The following ARRB1 variants were observed in gnomAD, a reference collection of about 807,000 sequenced individuals.
ARRB1 encodes the protein arrestin beta 1.
ARRB1 carries 21 observed loss-of-function variants against 56.8 expected under a neutral mutation model. The observed-to-expected ratio is 0.37, with a 90% CI of 0.26 to 0.53. The LOEUF is 0.53. Among genes scored for constraint, ARRB1 ranks in the 20% least tolerant of loss-of-function variants. The probability of loss-of-function intolerance (pLI) is 0.88; values close to 1 mark genes in which losing one functional copy is unlikely to be tolerated. For missense variants in ARRB1, 424 were observed against 553.7 expected (o/e 0.77, Z 2.35); for synonymous variants, 210 against 218.6 (o/e 0.96, Z 0.35).
chr11:75,337,833 T>C (rs1446627038), intron 1 of ARRB1, among the ~76,000 whole-genome samples: 1 of 117,300 alleles, frequency 8.5e-6, no homozygotes, highest in East Asian at 2.9e-4. Context: ...GGAGATTCAC[T>C]CCTGTTGCCC....
intron 1 of ARRB1, among the ~76,000 whole-genome samples, chr11:75,325,861 C>T (rs917123641): frequency 1.3e-5 from 2 of 152,298 alleles, no homozygotes; most frequent in Admixed American, 6.5e-5. Context: ...CTGGACCTCA[C>T]GCCCAGGGCT....
chr11:75,310,016 C>T (rs1947122433), intron 1 of ARRB1, among the ~76,000 whole-genome samples: 1 of 152,152 alleles, frequency 6.6e-6, no homozygotes, highest in Non-Finnish European at 1.5e-5. Context: ...ACGGTGCTGG[C>T]CCTCTTAGCC....
At position 75,335,662 on chromosome 11, in the gene ARRB1, A is replaced by T. The variant is rs1023308829; in HGVS notation, c.20+15926T>A. 7.2e-5 allele frequency among the ~76,000 whole-genome samples: 11 copies of T among 151,902 alleles called. 1 individual carries two copies. Among genetic ancestry groups the T allele is most frequent in the Admixed American group, 6.6e-4 (10 of 15,262 alleles). ...GAGGTCTGCTGCTCACAAGGGCAGC[A>T]CTGCCAGATTTCTTTGTGATCCTGG... On this transcript the variant is annotated intron_variant, in intron 1 of 15. Transcript: ENST00000420843.
intron 1 of ARRB1, among the ~76,000 whole-genome samples, chr11:75,299,271 A>AT (rs1168363432): frequency 6.6e-6 from 1 of 151,840 alleles, no homozygotes; most frequent in Non-Finnish European, 1.5e-5. Flanking sequence ...GACAGAGAGA[A>AT]TGAAAAAAAG....
intron 7 of ARRB1, among the ~76,000 whole-genome samples, chr11:75,280,553 GTTC>G (rs1462212011): frequency 6.6e-6 from 1 of 152,184 alleles, no homozygotes; most frequent in African/African-American, 2.4e-5. Context: ...TGCCCGGGCT[GTTC>G]TTCTCCAGAG....
At chr11:75,345,286 G>A (rs1319673057) in intron 1 of ARRB1, among the ~76,000 whole-genome samples, 1 of 152,172 alleles carries the variant, frequency 6.6e-6, no homozygotes, top group African/African-American at 2.4e-5. Flanking sequence ...CGTCTCCCGA[G>A]AGATGACCCT....
intron 1 of ARRB1, among the ~76,000 whole-genome samples, chr11:75,323,658 A>T (rs1477524217): frequency 6.6e-6 from 1 of 152,090 alleles, no homozygotes; most frequent in Non-Finnish European, 1.5e-5. Flanking sequence ...CCTGGAGAGG[A>T]AACCTTCTCT....
rs139785608 is a variant in ARRB1 at position 75,333,741 on chromosome 11, T to C, written c.20+17847A>G. Among the ~76,000 whole-genome samples the C allele has an allele frequency of 1.4e-4, 22 of 152,248 alleles. 2 individuals carry two copies. Among genetic ancestry groups the C allele is most frequent in the African/African-American group, 5.1e-4 (21 of 41,532 alleles). On this transcript the variant is annotated intron_variant, in intron 1 of 15. Transcript: ENST00000420843. The stretch of plus-strand genomic sequence containing the variant: ...TCTAGGTCACAGGCATAACAAGCAG[T>C]AGGGGTGGGATCTGAAACCTAGCCG...
chr11:75,308,339 A>C (rs76635068), intron 1 of ARRB1, among the ~76,000 whole-genome samples: 7,872 of 152,282 alleles, frequency 0.052, 701 homozygotes, highest in African/African-American at 0.18. Context: ...ACCAGGCCCC[A>C]TGACCAAGGC....
At chr11:75,336,347 C>G (rs562348524) in intron 1 of ARRB1, among the ~76,000 whole-genome samples, 7 of 152,106 alleles carry the variant, frequency 4.6e-5, no homozygotes, top group Non-Finnish European at 8.8e-5. Flanking sequence ...GTCCTCCCCA[C>G]ACCCTGCCAA....
chr11:75,277,212 A>C (rs1199618771), intron 9 of ARRB1, 152 bp downstream of exon 9: 1 of 826,494 alleles, frequency 1.2e-6, no homozygotes, highest in East Asian at 2.5e-5. Context: ...TACCCAACTC[A>C]AAAGCTTTGC....
chr11:75,324,234 C>T (rs1391383826), intron 1 of ARRB1, among the ~76,000 whole-genome samples: 1 of 152,222 alleles, frequency 6.6e-6, no homozygotes, highest in Non-Finnish European at 1.5e-5. Context: ...GCGCCCTCCC[C>T]CCAGGTCTAG....
In ARRB1 at chr11:75,278,711, C is replaced by G; in HGVS notation, c.516G>C (p.Gln172His). 2 of 1,613,304 alleles carry G rather than the reference C, an allele frequency of 1.2e-6. No individual in the cohort carries two copies. Among genetic ancestry groups the G allele is most frequent in the Non-Finnish European group, 1.7e-6 (2 of 1,179,574 alleles). Reference protein sequence around the residue: ...NSVRLVIRKVQYAPERPGPQP... With the variant: ...NSVRLVIRKVHYAPERPGPQP... ...GGGGGCCAGGCCTCTCTGGGGCATA[C>G]TGAACCTTCCGGATGACCAGACGCA... The change falls in exon 8 of 16, where the codon CAG becomes CAC. Residue 172 changes from glutamine to histidine, a missense_variant. Around this residue, in one of 3 missense-constraint regions of ARRB1, gnomAD observed 301 missense variants for 387.9 expected, o/e 0.78. Transcript: ENST00000420843.
chr11:75,316,131 C>G (rs1318241707), intron 1 of ARRB1, among the ~76,000 whole-genome samples: 2 of 152,122 alleles, frequency 1.3e-5, no homozygotes, highest in African/African-American at 2.4e-5. Flanking sequence ...AGTTCAAGAC[C>G]AGGCTGGCCA....
intron 1 of ARRB1, among the ~76,000 whole-genome samples, chr11:75,320,936 A>AG (rs979280489): frequency 1.3e-5 from 2 of 152,084 alleles, no homozygotes; most frequent in Non-Finnish European, 2.9e-5. Context: ...AGGAGACAGG[A>AG]GGGGCCATGG....
chr11:75,295,815 G>A (rs892240208), intron 1 of ARRB1, among the ~76,000 whole-genome samples: 1 of 152,192 alleles, frequency 6.6e-6, no homozygotes, highest in Non-Finnish European at 1.5e-5. Context: ...TAGCATAAGG[G>A]AGAATGAAAG....
At chr11:75,339,519 G>A (rs1354457237) in intron 1 of ARRB1, among the ~76,000 whole-genome samples, 1 of 152,166 alleles carries the variant, frequency 6.6e-6, no homozygotes, top group Non-Finnish European at 1.5e-5. Context: ...GTCAGTCCTG[G>A]ATGAAAACAC....
intron 1 of ARRB1, among the ~76,000 whole-genome samples, chr11:75,334,213 C>A (rs1838811192): frequency 6.6e-6 from 1 of 151,572 alleles, no homozygotes; most frequent in Non-Finnish European, 1.5e-5. Context: ...GCCTATTATC[C>A]CAGCTACTCA....
At chr11:75,269,668 T>G (rs2140398805) in intron 13 of ARRB1, among the ~76,000 whole-genome samples, 1 of 152,350 alleles carries the variant, frequency 6.6e-6, no homozygotes, top group South Asian at 2.1e-4. Flanking sequence ...CAAGGATTAC[T>G]GTAAGCCCCT....
Sources: gnomAD v4.1 joint callset for allele counts (sites outside exome capture counted in the v4.1 genomes callset) on GRCh38, gnomAD v4.1.1 for gene constraint, gnomAD v4.1.1 regional missense constraint, MANE v1.5 for transcripts, NCBI Gene and HGNC (gene_info 2026-07-23, HGNC 2026-07-21) for gene names.